NLRP14: variants seen among roughly 807,000 people sequenced by gnomAD.
NLRP14 encodes NLR family pyrin domain containing 14.
Under a neutral mutation model 94.7 loss-of-function variants are expected in NLRP14, and 105 were observed. That is an observed-to-expected ratio of 1.11 (90% CI 0.95 to 1.30). The LOEUF is 1.30. NLRP14 is among the 50% of genes most tolerant of loss of function. The pLI, the probability that NLRP14 is intolerant of heterozygous loss-of-function variation, is 0.00. For synonymous variants in NLRP14, 508 were observed against 459.9 expected (o/e 1.10, Z -1.34); for missense variants, 1,362 against 1,254.1 (o/e 1.09, Z -1.30).
chr11:7,056,710 C>T (rs79188844), intron 6 of NLRP14, among the ~76,000 whole-genome samples: 2 of 151,888 alleles, frequency 1.3e-5, no homozygotes, highest in Non-Finnish European at 2.9e-5. Context: ...TTGGAAGCAA[C>T]CTAAATGTCC....
At chr11:7,023,444 T>A (rs953195868) in intron 1 of NLRP14, among the ~76,000 whole-genome samples, 1 of 146,258 alleles carries the variant, frequency 6.8e-6, no homozygotes, top group South Asian at 2.1e-4. Flanking sequence ...ATAAAATTTT[T>A]ATTTTATATA....
intron 3 of NLRP14, among the ~76,000 whole-genome samples, chr11:7,041,444 A>T (rs1347524354): frequency 1.3e-5 from 2 of 152,124 alleles, no homozygotes; most frequent in Non-Finnish European, 1.5e-5. Context: ...CCAGGAGAGG[A>T]TCATATTCTA....
chr11:7,080,196 T>C, the NLRP14 span, among the ~76,000 whole-genome samples: 2 of 152,194 alleles, frequency 1.3e-5, no homozygotes, highest in Admixed American at 1.3e-4. Flanking sequence ...GCATCTGAAG[T>C]GAGGGCAGCC....
At position 7,062,028 on chromosome 11, in the gene NLRP14, A is replaced by G. The variant is rs1907613; in HGVS notation, c.2805-305A>G. Among the ~76,000 whole-genome samples the G allele has an allele frequency of 0.68, 102,812 of 151,850 alleles. 35,365 individuals carry two copies. The highest frequency in any genetic ancestry group is 0.93 in the East Asian group (4,785 of 5,160). The stretch of plus-strand genomic sequence containing the variant: ...AAAACTGAAAGCACAGAGATCTATT[A>G]GTTCCTTGGGAAAGTTTATATTCAT... On this transcript the variant is annotated intron_variant, in intron 9 of 11. Transcript: ENST00000299481.
At chr11:7,072,304 C>CT (rs1852812264), downstream of NLRP14, among the ~76,000 whole-genome samples, 1 of 152,234 alleles carries the variant, frequency 6.6e-6, no homozygotes, top group East Asian at 1.9e-4. Context: ...GGCTGAAAGG[C>CT]TGGGATGAGC....
chr11:7,049,241 C>G (rs763211438), intron 5 of NLRP14, among the ~76,000 whole-genome samples: 1 of 152,198 alleles, frequency 6.6e-6, no homozygotes, highest in East Asian at 1.9e-4. Context: ...GTATGCCTAA[C>G]GAAGTCCCCA....
rs931551876 is a variant in NLRP14, at chr11:7,039,838, A to C, written c.361+53A>C. 1.7e-5 allele frequency: 23 copies of C among 1,333,162 alleles called. No individual in the cohort carries two copies. In the Admixed American group the frequency reaches 3.9e-4, roughly 22 times the overall value. 82.6% of individuals were successfully genotyped at this position (1,333,162 alleles called of 1,614,324 possible). A position where few individuals can be genotyped will look rare whatever the true frequency, so the allele number is the denominator to read the frequency against. On this transcript the variant is annotated intron_variant, in intron 3 of 11. Coordinates refer to ENST00000299481, the MANE Select transcript of NLRP14 (RefSeq NM_176822.4). ...TGGGAGGCATTCAAAGTTTTGATAC[A>C]GGACGGTGATTTATCTCCCGAGGAC... is the stretch of plus-strand genomic sequence containing the variant.
downstream of NLRP14, among the ~76,000 whole-genome samples, chr11:7,074,750 A>G (rs1383994684): frequency 6.6e-6 from 1 of 152,310 alleles, no homozygotes; most frequent in African/African-American, 2.4e-5. Flanking sequence ...TAGGAAAAAT[A>G]GGGGTCACAG....
intron 6 of NLRP14, among the ~76,000 whole-genome samples, chr11:7,056,889 A>G (rs144758110): frequency 9.9e-5 from 15 of 152,160 alleles, no homozygotes; most frequent in Middle Eastern, 3.4e-3. Flanking sequence ...TAGGTCATCT[A>G]TTAAGATTTA....
At position 7,042,456 on chromosome 11, in the gene NLRP14, G is replaced by T. The variant is rs1852269407; in HGVS notation, c.430G>T (p.Ala144Ser). Residue 144 changes from alanine to serine, a missense_variant, in exon 4 of 12, where the codon GCT becomes TCT. Coordinates refer to ENST00000299481, the MANE Select transcript of NLRP14 (RefSeq NM_176822.4). ...FCITWDKKSL[A>S]GKPEDFHHGI... The stretch of plus-strand genomic sequence containing the variant: ...CATCACTTGGGACAAGAAGTCTTTG[G>T]CTGGAAAGCCTGAAGATTTCCATCA... 8 of 1,613,992 alleles carry T rather than the reference G, an allele frequency of 5.0e-6. No homozygotes were observed. Among genetic ancestry groups the T allele is most frequent in the Non-Finnish European group, 6.8e-6 (8 of 1,179,804 alleles).
chr11:7,035,243 C>T (rs1168979075), intron 1 of NLRP14, among the ~76,000 whole-genome samples: 1 of 152,158 alleles, frequency 6.6e-6, no homozygotes, highest in African/African-American at 2.4e-5. Context: ...ATCGCTTGAA[C>T]CCAGGAGGGA....
rs80238339 is a variant in NLRP14 at position 7,044,015 on chromosome 11, G to A, written c.1958+31G>A. 7.2e-3 allele frequency: 11,596 copies of A among 1,605,472 alleles called. 68 individuals carry two copies. The highest frequency in any genetic ancestry group is 8.3e-3 in the Non-Finnish European group (9,742 of 1,172,170). ...TGTGTTAGGGCCATTCCCTGGAAGT[G>A]CCCTGTAAGGGAGAGACGTAGATAT... is the stretch of plus-strand genomic sequence containing the variant. On this transcript the variant is annotated intron_variant, in intron 4 of 11. Coordinates refer to ENST00000299481, the MANE Select transcript of NLRP14 (RefSeq NM_176822.4).
chr11:7,066,863 T>TTGTGTAAGGAAGGTATAA (rs1852713586), intron 10 of NLRP14, among the ~76,000 whole-genome samples: 1 of 152,198 alleles, frequency 6.6e-6, no homozygotes, highest in African/African-American at 2.4e-5. Flanking sequence ...TGAATTAATT[T>TTGTGTAAGGAAGGTATAA]TGTGTAAGGA....
chr11:7,081,440 T>C, the NLRP14 span, among the ~76,000 whole-genome samples: 1 of 152,022 alleles, frequency 6.6e-6, no homozygotes, highest in African/African-American at 2.4e-5. Context: ...AGTCACAGAG[T>C]CCTCTGATGA....
chr11:7,021,406 G>C (rs1011233938), intron 1 of NLRP14, among the ~76,000 whole-genome samples: 1 of 152,124 alleles, frequency 6.6e-6, no homozygotes, highest in Admixed American at 6.5e-5. Flanking sequence ...ATAAGCTCTT[G>C]CATTTTTTAT....
the NLRP14 span, chr11:7,090,280 G>A: frequency 6.2e-7 from 1 of 1,602,868 alleles, no homozygotes; most frequent in East Asian, 2.2e-5. Flanking sequence ...GAGAGAGGAG[G>A]AGGCCGGAGC....
At chr11:7,034,120 G>A (rs1345940207) in intron 1 of NLRP14, among the ~76,000 whole-genome samples, 1 of 152,144 alleles carries the variant, frequency 6.6e-6, no homozygotes, top group African/African-American at 2.4e-5. Flanking sequence ...TGGGTTAACC[G>A]CCACTTCCTG....
chr11:7,021,861 G>T (rs1158557486), intron 1 of NLRP14, among the ~76,000 whole-genome samples: 1 of 151,106 alleles, frequency 6.6e-6, no homozygotes, highest in Admixed American at 6.6e-5. Flanking sequence ...GACATTGACC[G>T]GTAAGAACGA....
intron 10 of NLRP14, among the ~76,000 whole-genome samples, chr11:7,068,340 G>A (rs985826380): frequency 1.3e-5 from 2 of 152,076 alleles, no homozygotes; most frequent in African/African-American, 4.8e-5. Flanking sequence ...CTCCAACAAA[G>A]ATATTTAAGG....
Sources: gnomAD v4.1 joint callset for allele counts (sites outside exome capture counted in the v4.1 genomes callset) on GRCh38, gnomAD v4.1.1 for gene constraint, MANE v1.5 for transcripts, NCBI Gene and HGNC (gene_info 2026-07-23, HGNC 2026-07-21) for gene names.